Variants in ERCC6 observed in about 807,000 individuals in gnomAD.
The protein encoded by ERCC6 is DNA excision repair protein ERCC-6.
In ERCC6, 116 loss-of-function variants were observed where a neutral mutation model predicts 158.7. The observed-to-expected ratio is 0.73, with a 90% CI of 0.63 to 0.85. The LOEUF (loss-of-function observed/expected upper bound fraction) is 0.85. Ranked by LOEUF, ERCC6 falls within the 40% of genes least tolerant of loss-of-function variation. The pLI is 0.00. For missense variants in ERCC6, 1,698 were observed against 1,799.4 expected (o/e 0.94, Z 1.02); for synonymous variants, 678 against 659.3 (o/e 1.03, Z -0.43).
At chr10:49,453,665 G>A (rs1850445314), downstream of ERCC6, among the ~76,000 whole-genome samples, 1 of 152,052 alleles carries the variant, frequency 6.6e-6, no homozygotes, top group South Asian at 2.1e-4. Context: ...CTTCTTATTA[G>A]GCAGGTTGGT....
intron 12 of ERCC6, among the ~76,000 whole-genome samples, chr10:49,474,870 T>C (rs1021750944): frequency 1.3e-5 from 2 of 152,048 alleles, no homozygotes; most frequent in Non-Finnish European, 2.9e-5. Context: ...AAAAGAACAT[T>C]AACAAAACTT....
the ERCC6 span, among the ~76,000 whole-genome samples, chr10:49,435,768 G>A: frequency 6.6e-6 from 1 of 152,150 alleles, no homozygotes; most frequent in Admixed American, 6.5e-5. Context: ...GGAGGCTGAG[G>A]CGGGTGGATC....
At chr10:49,480,562 C>T (rs1474573688) in intron 10 of ERCC6, among the ~76,000 whole-genome samples, 1 of 152,198 alleles carries the variant, frequency 6.6e-6, no homozygotes, top group Non-Finnish European at 1.5e-5. Flanking sequence ...ATTCCTGAAA[C>T]AAGAACTTCA....
intron 15 of ERCC6, 109 bp downstream of exon 15, chr10:49,472,800 G>A: frequency 7.5e-7 from 1 of 1,340,518 alleles, no homozygotes; most frequent in Non-Finnish European, 1.0e-6. Flanking sequence ...CAATCAAAAT[G>A]TGAAACGTAT....
Position 49,506,090 on chromosome 10 carries a change from C to A in ERCC6, c.1398-78G>T, listed in dbSNP as rs868807635. On this transcript the variant is annotated intron_variant, in intron 5 of 20. Coordinates refer to ENST00000355832, the MANE Select transcript of ERCC6 (RefSeq NM_000124.4). ...TAAAAAGATAGCTCCTGATAATGTACAAGAAAAAACAGGCAAATTAGAACG... is the reference window on the plus strand; with the variant it reads ...TAAAAAGATAGCTCCTGATAATGTAAAAGAAAAAACAGGCAAATTAGAACG... 47 of 1,558,892 alleles carry A rather than the reference C, an allele frequency of 3.0e-5. No homozygotes were observed. The African/African-American group carries it at 6.2e-4, about 21-fold the overall frequency.
intron 5 of ERCC6, among the ~76,000 whole-genome samples, chr10:49,520,261 C>A (rs1837117685): frequency 6.6e-6 from 1 of 152,170 alleles, no homozygotes; most frequent in South Asian, 2.1e-4. Flanking sequence ...AAGTCAGCGT[C>A]TCCAGTGTTA....
chr10:49,479,083 C>T (rs768227510), intron 10 of ERCC6, among the ~76,000 whole-genome samples: 1 of 151,294 alleles, frequency 6.6e-6, no homozygotes, highest in Non-Finnish European at 1.5e-5. Flanking sequence ...GGAGCACGGC[C>T]ACATGAGATG....
chr10:49,464,551 G>T (rs1850639157), intron 18 of ERCC6, among the ~76,000 whole-genome samples: 1 of 152,212 alleles, frequency 6.6e-6, no homozygotes, highest in African/African-American at 2.4e-5. Flanking sequence ...TGTCTGCAGG[G>T]CATATCAGAG....
intron 1 of ERCC6, among the ~76,000 whole-genome samples, chr10:49,536,024 G>A (rs944376335): frequency 1.1e-4 from 17 of 152,334 alleles, no homozygotes; most frequent in Middle Eastern, 3.4e-3. Context: ...GCTGAGGCAC[G>A]AGAATCGCTT....
intron 3 of ERCC6, among the ~76,000 whole-genome samples, chr10:49,529,987 G>GT (rs1837431385): frequency 6.6e-6 from 1 of 152,088 alleles, no homozygotes; most frequent in Admixed American, 6.5e-5. Flanking sequence ...GGTGCTGACT[G>GT]TAACACCCAA....
At position 49,537,283 on chromosome 10, in the gene ERCC6, G is replaced by A. The variant is rs578136460; in HGVS notation, c.-15+1679C>T. Among the ~76,000 whole-genome samples the A allele has an allele frequency of 1.5e-3, 223 of 149,366 alleles. 1 individual carries two copies. The highest frequency in any genetic ancestry group is 4.9e-3 in the African/African-American group (197 of 40,258). ...CGCTTGAACCCAGGAGGCGGAGGCC[G>A]CAGTGAGCGAGATCGCACCACTGCA... On this transcript the variant is annotated intron_variant, in intron 1 of 20. Transcript: ENST00000355832.
At chr10:49,501,047 T>C (rs896501527) in intron 6 of ERCC6, 4 of 262,236 alleles carry the variant, frequency 1.5e-5, no homozygotes, top group African/African-American at 9.1e-5. Flanking sequence ...AAATCCCAAA[T>C]ATTTTTCATA....
intron 7 of ERCC6, among the ~76,000 whole-genome samples, chr10:49,498,761 T>C (rs1285160429): frequency 6.6e-6 from 1 of 152,210 alleles, no homozygotes; most frequent in Non-Finnish European, 1.5e-5. Flanking sequence ...TTTTAATTTT[T>C]AGATCAAAAC....
At chr10:49,438,310 C>T in the ERCC6 span, among the ~76,000 whole-genome samples, 5 of 152,290 alleles carry the variant, frequency 3.3e-5, no homozygotes, top group Middle Eastern at 6.8e-3. Context: ...TTCTACATGG[C>T]TGGGGAGGCC....
At chr10:49,473,050 C>CT (rs1489129519) in intron 14 of ERCC6, 22 bp from the exon 15 acceptor site, 1 of 1,613,994 alleles carries the variant, frequency 6.2e-7, no homozygotes, top group Admixed American at 1.7e-5. Context: ...ACACACAACA[C>CT]TGAGCACACA....
intron 5 of ERCC6, among the ~76,000 whole-genome samples, chr10:49,514,797 T>C (rs1836898856): frequency 1.3e-5 from 2 of 152,232 alleles, no homozygotes; most frequent in Non-Finnish European, 2.9e-5. Flanking sequence ...TGTAGTATGA[T>C]AGGTTTTCTA....
chr10:49,474,361 A>G (rs779434811), intron 12 of ERCC6, 119 bp from the exon 13 acceptor site: 19 of 756,620 alleles, frequency 2.5e-5, no homozygotes, highest in Non-Finnish European at 3.9e-5. Flanking sequence ...CCAGCTTCTT[A>G]GTTTCTTCTC....
intron 5 of ERCC6, among the ~76,000 whole-genome samples, chr10:49,523,737 A>T (rs1837233529): frequency 6.6e-6 from 1 of 152,126 alleles, no homozygotes; most frequent in South Asian, 2.1e-4. Flanking sequence ...TAAAGGCGAC[A>T]CAGCTCACAC....
intron 18 of ERCC6, among the ~76,000 whole-genome samples, chr10:49,467,282 G>A (rs907342105): frequency 3.9e-5 from 6 of 152,132 alleles, no homozygotes; most frequent in South Asian, 2.1e-4. Context: ...CAAGGAAAGC[G>A]CATGCAACTG....
Sources: gnomAD v4.1 joint callset for allele counts (sites outside exome capture counted in the v4.1 genomes callset) on GRCh38, gnomAD v4.1.1 for gene constraint, MANE v1.5 for transcripts, NCBI Gene and HGNC (gene_info 2026-07-23, HGNC 2026-07-21) for gene names.